The following PDE3A variants were observed in gnomAD, a reference collection of about 807,000 sequenced individuals.
The protein encoded by PDE3A is cGMP-inhibited 3',5'-cyclic phosphodiesterase 3A.
Under a neutral mutation model 98.3 loss-of-function variants are expected in PDE3A, and 43 were observed. That is an observed-to-expected ratio of 0.44 (90% confidence interval 0.34 to 0.56). PDE3A has a LOEUF of 0.56. PDE3A is among the 20% of genes least tolerant of loss of function. PDE3A has a pLI of 0.01. For missense variants in PDE3A, 1,427 were observed against 1,440.7 expected (o/e 0.99, Z 0.15); for synonymous variants, 663 against 567.9 (o/e 1.17, Z -2.38).
intron 1 of PDE3A, among the ~76,000 whole-genome samples, chr12:20,459,613 A>G (rs934688315): frequency 1.3e-5 from 2 of 152,182 alleles, no homozygotes; most frequent in Non-Finnish European, 2.9e-5. Flanking sequence ...CATGTTCTTC[A>G]TATTTTAGTG....
chr12:20,603,646 G>C (rs1943646261), intron 2 of PDE3A, among the ~76,000 whole-genome samples: 1 of 151,838 alleles, frequency 6.6e-6, no homozygotes, highest in South Asian at 2.1e-4. Flanking sequence ...TTCATGTAGG[G>C]GACAAACACC....
intron 4 of PDE3A, among the ~76,000 whole-genome samples, chr12:20,619,870 T>A (rs1427335518): frequency 2.0e-5 from 3 of 151,790 alleles, no homozygotes; most frequent in Admixed American, 6.6e-5. Flanking sequence ...AAAAAAAAAA[T>A]TGAGATAACA....
intron 5 of PDE3A, among the ~76,000 whole-genome samples, chr12:20,629,484 A>G (rs1418505506): frequency 6.6e-6 from 1 of 152,200 alleles, no homozygotes; most frequent in African/African-American, 2.4e-5. Flanking sequence ...GCCCCCAGAT[A>G]CTGGTTAACG....
At chr12:20,671,012 G>T (rs1476873787) in intron 15 of PDE3A, among the ~76,000 whole-genome samples, 1 of 110,440 alleles carries the variant, frequency 9.1e-6, no homozygotes, top group Non-Finnish European at 1.8e-5. Flanking sequence ...TATGATAAAG[G>T]GGATATCACC....
rs183660665 is a variant in PDE3A at position 20,442,598 on chromosome 12, G to A, written c.960+72354G>A. On this transcript the variant is annotated intron_variant, in intron 1 of 15. Transcript: ENST00000359062. ...TACCACGTGGCTGAAAGTGGGAGAC[G>A]CACGGAAATACTTAGTTCACACCAC... 6.1e-3 allele frequency among the ~76,000 whole-genome samples: 933 copies of A among 152,270 alleles called. 7 individuals are homozygous for A. Among genetic ancestry groups the A allele is most frequent in the South Asian group, 0.01 (49 of 4,822 alleles).
At chr12:20,508,334 C>T (rs1462874510) in intron 1 of PDE3A, among the ~76,000 whole-genome samples, 3 of 151,912 alleles carry the variant, frequency 2.0e-5, no homozygotes, top group Admixed American at 2.0e-4. Flanking sequence ...CTCTAAAGCA[C>T]TCATCTTCTA....
At chr12:20,391,661 A>G (rs1565534576) in intron 1 of PDE3A, among the ~76,000 whole-genome samples, 2 of 151,728 alleles carry the variant, frequency 1.3e-5, no homozygotes, top group East Asian at 3.9e-4. Flanking sequence ...ATTGGAGGGA[A>G]ATTAAAGGTA....
intron 1 of PDE3A, among the ~76,000 whole-genome samples, chr12:20,424,675 C>G (rs1170286257): frequency 2.6e-5 from 4 of 152,178 alleles, no homozygotes; most frequent in Non-Finnish European, 4.4e-5. Flanking sequence ...GTCAGAATAT[C>G]TACTTACCAG....
intron 15 of PDE3A, among the ~76,000 whole-genome samples, chr12:20,668,095 C>A (rs1210576973): frequency 6.6e-6 from 1 of 152,164 alleles, no homozygotes; most frequent in Non-Finnish European, 1.5e-5. Flanking sequence ...ACAGATGGCA[C>A]CTGGAAAATC....
intron 1 of PDE3A, among the ~76,000 whole-genome samples, chr12:20,372,676 A>C (rs1284296342): frequency 6.6e-6 from 1 of 152,286 alleles, no homozygotes; most frequent in South Asian, 2.1e-4. Context: ...GTGAAGTCAA[A>C]CATCAAAATA....
chr12:20,672,403 C>CA (rs1945507465), intron 15 of PDE3A, among the ~76,000 whole-genome samples: 1 of 76,924 alleles, frequency 1.3e-5, no homozygotes, highest in South Asian at 4.7e-4. Flanking sequence ...AATCCTAAGC[C>CA]AAAAGAACAA....
intron 1 of PDE3A, among the ~76,000 whole-genome samples, chr12:20,420,854 G>A (rs1293845698): frequency 2.6e-5 from 4 of 152,162 alleles, no homozygotes; most frequent in Admixed American, 6.5e-5. Context: ...ATAAAAGGAA[G>A]AATGTCTTGT....
chr12:20,565,881 C>T (rs1222561013), intron 2 of PDE3A, among the ~76,000 whole-genome samples: 1 of 151,834 alleles, frequency 6.6e-6, no homozygotes, highest in African/African-American at 2.4e-5. Context: ...AGGGAACAAA[C>T]TAAAATACTG....
chr12:20,449,779 G>T, intron 1 of PDE3A: 1 of 507,840 alleles, frequency 2.0e-6, no homozygotes, highest in Non-Finnish European at 3.6e-6. Context: ...GTGCTGTGAG[G>T]GACTGGATTA....
intron 1 of PDE3A, among the ~76,000 whole-genome samples, chr12:20,510,825 G>A (rs990531154): frequency 3.3e-5 from 5 of 152,016 alleles, no homozygotes; most frequent in African/African-American, 1.2e-4. Flanking sequence ...CATTCTCTGA[G>A]AGTGAAGAGG....
intron 14 of PDE3A, among the ~76,000 whole-genome samples, chr12:20,652,447 T>C (rs1368948250): frequency 6.6e-6 from 1 of 152,146 alleles, no homozygotes; most frequent in Non-Finnish European, 1.5e-5. Flanking sequence ...CCTGACTTTT[T>C]AATGATTGCC....
chr12:20,478,751 A>T (rs10841546), intron 1 of PDE3A, among the ~76,000 whole-genome samples: 43,757 of 152,096 alleles, frequency 0.29, 8,056 homozygotes, highest in East Asian at 0.67. Context: ...ATCCTTATTA[A>T]GTCAGGACAA....
chr12:20,634,805 C>T, intron 7 of PDE3A, 97 bp from the exon 8 acceptor site: 1 of 799,464 alleles, frequency 1.3e-6, no homozygotes, highest in Non-Finnish European at 2.2e-6. Context: ...TTTCCCTAAA[C>T]ACTATATTTA....
At chr12:20,630,983 T>C (rs1289710869) in intron 6 of PDE3A, among the ~76,000 whole-genome samples, 1 of 152,160 alleles carries the variant, frequency 6.6e-6, no homozygotes, top group African/African-American at 2.4e-5. Flanking sequence ...AGACTCAGAT[T>C]TTTTCATTGT....
Sources: allele counts gnomAD v4.1 joint callset (sites outside exome capture counted in the v4.1 genomes callset), GRCh38; gene constraint gnomAD v4.1.1; transcripts MANE v1.5; gene names NCBI Gene and HGNC (gene_info 2026-07-23, HGNC 2026-07-21).